The following ACSL4 variants were observed in gnomAD, a reference collection of about 807,000 sequenced individuals.
ACSL4 encodes the protein long-chain-fatty-acid--CoA ligase 4.
Under a neutral mutation model 49.1 loss-of-function variants are expected in ACSL4, and 9 were observed. The observed-to-expected ratio is 0.18, with a 90% CI of 0.11 to 0.32. The LOEUF (loss-of-function observed/expected upper bound fraction) is 0.32, where lower values mean the gene tolerates loss of function less well. ACSL4 is among the 10% of genes least tolerant of loss of function. The pLI is 1.00. For synonymous variants in ACSL4, 191 were observed against 170.3 expected, an observed-to-expected ratio of 1.12 and a Z score of -0.95; for missense variants, 333 against 493.7, an observed-to-expected ratio of 0.67 and a Z score of 3.08.
intron 15 of ACSL4, among the ~76,000 whole-genome samples, chrX:109,646,324 C>T (rs1464987454): frequency 1.2e-4 from 13 of 111,874 alleles, no homozygotes; most frequent in East Asian, 2.8e-4. Context: ...GCGGATCTCT[C>T]GGCAGAAACT....
intron 15 of ACSL4, among the ~76,000 whole-genome samples, chrX:109,646,235 T>G (rs1403955661): frequency 9.0e-6 from 1 of 110,746 alleles, no homozygotes; most frequent in Non-Finnish European, 1.9e-5. Context: ...TCACCAAAGT[T>G]GAAATGAAGG....
chrX:109,657,054 CCT>C (rs1460712627), intron 15 of ACSL4, among the ~76,000 whole-genome samples: 1 of 110,985 alleles, frequency 9.0e-6, no homozygotes, highest in Non-Finnish European at 1.9e-5. Flanking sequence ...TCCACAGCCT[CCT>C]GTTCTCCCTT....
At chrX:109,703,468 A>T (rs1926114659) in intron 1 of ACSL4, among the ~76,000 whole-genome samples, 1 of 111,756 alleles carries the variant, frequency 8.9e-6, no homozygotes, top group African/African-American at 3.3e-5. Flanking sequence ...ATTTTTTTTA[A>T]AAAAGTAAAA....
chrX:109,688,979 T>C (rs1924825902), intron 2 of ACSL4, among the ~76,000 whole-genome samples: 1 of 111,257 alleles, frequency 9.0e-6, no homozygotes, highest in Non-Finnish European at 1.9e-5. Flanking sequence ...ACTAGATTTG[T>C]ATATCCAACT....
intron 1 of ACSL4, among the ~76,000 whole-genome samples, chrX:109,703,408 C>G (rs1926108424): frequency 1.8e-5 from 2 of 110,902 alleles, no homozygotes; most frequent in South Asian, 7.6e-4. Context: ...GGTAAAGGAC[C>G]CATGGAAATG....
At position 109,659,646 on chromosome X, in the gene ACSL4, T is replaced by C; in HGVS notation, c.1698-135A>G. 1.3e-5 allele frequency: 6 copies of C among 462,929 alleles called. No homozygotes were observed. In the South Asian group the frequency reaches 1.8e-4, roughly 14 times the overall value. The allele number at this position is 462,929 out of a possible 1,213,427, so 38.2% of individuals were successfully genotyped here. On this transcript the variant is annotated intron_variant, in intron 14 of 15. Transcript: ENST00000672401. Reference sequence around the variant, plus strand: ...TTATTAAAGTTTCATTAGGAAATGATAAAACCCATAGTACCAGCATAAAGA... The same window carrying C: ...TTATTAAAGTTTCATTAGGAAATGACAAAACCCATAGTACCAGCATAAAGA...
chrX:109,723,691 G>A (rs767894360), intron 1 of ACSL4, among the ~76,000 whole-genome samples: 29 of 112,206 alleles, frequency 2.6e-4, no homozygotes, highest in Non-Finnish European at 3.8e-4. Flanking sequence ...TCACTGCAGC[G>A]AAACCTTATA....
At chrX:109,658,046 C>A (rs1188782260) in intron 15 of ACSL4, among the ~76,000 whole-genome samples, 2 of 111,317 alleles carry the variant, frequency 1.8e-5, no homozygotes, top group Non-Finnish European at 3.8e-5. Flanking sequence ...ATATTCTTTG[C>A]CCACTTTTTG....
chrX:109,688,639 G>T (rs1418065243), intron 2 of ACSL4, among the ~76,000 whole-genome samples: 1 of 110,923 alleles, frequency 9.0e-6, no homozygotes, highest in Non-Finnish European at 1.9e-5. Flanking sequence ...CCTCATCAGG[G>T]TCTCCAATGA....
At chrX:109,697,906 G>C in intron 1 of ACSL4, among the ~76,000 whole-genome samples, 1 of 109,826 alleles carries the variant, frequency 9.1e-6, no homozygotes, top group Non-Finnish European at 1.9e-5. Flanking sequence ...AAGATCTAAA[G>C]GTAGAAGTTG....
In ACSL4 at chrX:109,668,138, TC is replaced by T. The variant is rs1294977148; in HGVS notation, c.1277del (p.Gly426AspfsTer2). The T allele has an allele frequency of 8.3e-7, 1 of 1,207,702 alleles. No homozygotes were observed. Among genetic ancestry groups the T allele is most frequent in the African/African-American group, 1.8e-5 (1 of 57,056 alleles). On this transcript the variant is annotated frameshift_variant, in exon 11 of 16. Coordinates refer to ENST00000672401, the MANE Select transcript of ACSL4 (RefSeq NM_001318510.2). LOFTEE classifies it high-confidence loss of function. Reference sequence around the variant, plus strand: ...TCCCAGCACCACATGATTCTGTCAGTCCATAACCCTGGCCAATTGGGCAGCA... The same window carrying T: ...TCCCAGCACCACATGATTCTGTCAGTCATAACCCTGGCCAATTGGGCAGCA... ...CFCCPIGQGY[G>X]LTESCGAGTV...
chrX:109,730,145 G>A (rs770417349), intron 1 of ACSL4, among the ~76,000 whole-genome samples: 1 of 112,326 alleles, frequency 8.9e-6, no homozygotes, highest in African/African-American at 3.2e-5. Context: ...GGATTGCATC[G>A]ATTTCAATTT....
At chrX:109,649,584 C>A (rs1264592377) in intron 15 of ACSL4, among the ~76,000 whole-genome samples, 1 of 111,711 alleles carries the variant, frequency 9.0e-6, no homozygotes, top group East Asian at 2.8e-4. Context: ...TAGAAGAAAA[C>A]CTAGACATTA....
At position 109,645,411 on chromosome X, in the gene ACSL4, G is replaced by C. The variant is rs767718124; in HGVS notation, c.1856-1225C>G. ...TGGGAGGCACCCCCCAGCAGGGGCA[G>C]ACTGACACCTCACACGGCCGGGTAC... On this transcript the variant is annotated intron_variant, in intron 15 of 15. Coordinates refer to ENST00000672401, the MANE Select transcript of ACSL4 (RefSeq NM_001318510.2). 3.6e-3 allele frequency among the ~76,000 whole-genome samples: 400 copies of C among 112,267 alleles called. 3 individuals are homozygous for C. Among genetic ancestry groups the C allele is most frequent in the African/African-American group, 0.012 (385 of 30,878 alleles).
chrX:109,700,134 G>A (rs1295272228), intron 1 of ACSL4, among the ~76,000 whole-genome samples: 2 of 105,435 alleles, frequency 1.9e-5, no homozygotes, highest in African/African-American at 3.5e-5. Context: ...CTTGAACCCG[G>A]GAGGCAGAGG....
chrX:109,731,932 A>G (rs1484641150), intron 1 of ACSL4, among the ~76,000 whole-genome samples: 1 of 112,659 alleles, frequency 8.9e-6, no homozygotes, highest in Non-Finnish European at 1.9e-5. Context: ...AACATTTAAA[A>G]GTCTTTCTTG....
chrX:109,684,513 G>T (rs2147453091), intron 2 of ACSL4, among the ~76,000 whole-genome samples: 1 of 112,273 alleles, frequency 8.9e-6, no homozygotes, highest in African/African-American at 3.2e-5. Context: ...AGTTGCTCTG[G>T]CCAAAACAGG....
intron 9 of ACSL4, among the ~76,000 whole-genome samples, chrX:109,669,966 C>T (rs1923038348): frequency 9.0e-6 from 1 of 111,185 alleles, no homozygotes; most frequent in Non-Finnish European, 1.9e-5. Context: ...GCAAAGAACA[C>T]GATTCTTGCT....
At chrX:109,707,521 G>A (rs1926442334) in intron 1 of ACSL4, among the ~76,000 whole-genome samples, 1 of 111,700 alleles carries the variant, frequency 9.0e-6, no homozygotes, top group Admixed American at 9.5e-5. Flanking sequence ...AGAGACCAGA[G>A]GCGGAGCTCA....
Sources: gnomAD v4.1 joint callset for allele counts (sites outside exome capture counted in the v4.1 genomes callset) on GRCh38, gnomAD v4.1.1 for gene constraint, MANE v1.5 for transcripts, NCBI Gene and HGNC (gene_info 2026-07-23, HGNC 2026-07-21) for gene names.